Variants in PDE4D observed in about 807,000 individuals in gnomAD.
PDE4D encodes 3',5'-cyclic-AMP phosphodiesterase 4D.
Under a neutral mutation model 87.4 loss-of-function variants are expected in PDE4D, and 24 were observed. The ratio of observed to expected loss-of-function variants is 0.27; its 90% CI spans 0.20 to 0.39. The LOEUF (loss-of-function observed/expected upper bound fraction) is 0.39, where lower values mean the gene tolerates loss of function less well. Ranked by LOEUF, PDE4D falls within the 10% of genes least tolerant of loss-of-function variation. The pLI, the probability that PDE4D is intolerant of heterozygous loss-of-function variation, is 1.00. For synonymous variants in PDE4D, 384 were observed against 383.2 expected, an observed-to-expected ratio of 1.00 and a Z score of -0.02; for missense variants, 714 against 1,041.0, an observed-to-expected ratio of 0.69 and a Z score of 4.32.
At chr5:60,447,247 T>C (rs1745717397) in intron 1 of PDE4D, among the ~76,000 whole-genome samples, 1 of 152,188 alleles carries the variant, frequency 6.6e-6, no homozygotes, top group African/African-American at 2.4e-5. Flanking sequence ...ACTATCATCA[T>C]ATGGATAAAT....
At chr5:59,060,104 TA>T (rs1762914924) in intron 5 of PDE4D, among the ~76,000 whole-genome samples, 6 of 152,312 alleles carry the variant, frequency 3.9e-5, no homozygotes, top group Admixed American at 3.9e-4. Context: ...TCTATCTTTT[TA>T]TCTGCCTGTA....
chr5:60,122,002 T>C (rs1396492585), intron 2 of PDE4D, among the ~76,000 whole-genome samples: 1 of 152,072 alleles, frequency 6.6e-6, no homozygotes, highest in Non-Finnish European at 1.5e-5. Context: ...CCATGCAAGC[T>C]CAAAATCCAG....
chr5:60,465,521 C>G (rs1029417447), intron 1 of PDE4D, among the ~76,000 whole-genome samples: 1 of 152,132 alleles, frequency 6.6e-6, no homozygotes, highest in African/African-American at 2.4e-5. Flanking sequence ...TTACTTACCT[C>G]TTTTCTACTA....
intron 1 of PDE4D, among the ~76,000 whole-genome samples, chr5:59,396,567 G>C (rs1582373438): frequency 1.3e-5 from 1 of 79,598 alleles, no homozygotes; most frequent in Non-Finnish European, 2.4e-5. Context: ...TGCCCTAAAA[G>C]AGCTCCTGAA....
chr5:59,980,740 G>A (rs992133721), intron 3 of PDE4D, among the ~76,000 whole-genome samples: 2 of 152,172 alleles, frequency 1.3e-5, no homozygotes, highest in African/African-American at 4.8e-5. Flanking sequence ...AGACACTGGA[G>A]TTTAATCATG....
rs562584706 is a variant in PDE4D, at chr5:60,291,090, A to G, written c.-89-105403T>C. Among the ~76,000 whole-genome samples, 20 of 152,328 alleles carry G rather than the reference A, an allele frequency of 1.3e-4. No homozygotes were observed. In the East Asian group the frequency reaches 1.4e-3, roughly 10 times the overall value. On this transcript the variant is annotated intron_variant, in intron 1 of 16. Coordinates refer to the PDE4D transcript ENST00000502484. ...TGGGTTTCCTGTTTATCCAAAGAGC[A>G]ACATCTTTAATGAGCAATGACCTGG...
At chr5:60,114,004 A>G (rs1178043003) in intron 2 of PDE4D, among the ~76,000 whole-genome samples, 4 of 152,256 alleles carry the variant, frequency 2.6e-5, no homozygotes, top group African/African-American at 9.6e-5. Context: ...GAGTGGCAGT[A>G]CCTAATAACA....
chr5:60,245,266 C>T (rs1464514955), intron 1 of PDE4D, among the ~76,000 whole-genome samples: 1 of 151,730 alleles, frequency 6.6e-6, no homozygotes, highest in Non-Finnish European at 1.5e-5. Flanking sequence ...GGCTTTTATC[C>T]AAAAGACAGG....
intron 1 of PDE4D, among the ~76,000 whole-genome samples, chr5:59,873,623 GA>G (rs1447436777): frequency 2.0e-5 from 3 of 152,206 alleles, no homozygotes; most frequent in Admixed American, 2.0e-4. Context: ...CAGAAATGAA[GA>G]GGGAGAATGT....
At chr5:59,003,311 T>C (rs1181636736) in intron 6 of PDE4D, among the ~76,000 whole-genome samples, 3 of 152,302 alleles carry the variant, frequency 2.0e-5, no homozygotes, top group African/African-American at 7.2e-5. Flanking sequence ...AGCTGCTCTA[T>C]TACATTTGCT....
At chr5:59,640,845 C>G (rs1398363710) in intron 1 of PDE4D, among the ~76,000 whole-genome samples, 1 of 152,208 alleles carries the variant, frequency 6.6e-6, no homozygotes, top group Non-Finnish European at 1.5e-5. Context: ...GCCTGTTTAT[C>G]AAGAGTGTTC....
chr5:60,013,622 T>A (rs1765229774), intron 2 of PDE4D, among the ~76,000 whole-genome samples: 2 of 152,112 alleles, frequency 1.3e-5, no homozygotes, highest in African/African-American at 2.4e-5. Flanking sequence ...AGTTGACAAA[T>A]TTATTTCTGT....
chr5:59,168,708 G>GA (rs923689788), intron 5 of PDE4D, among the ~76,000 whole-genome samples: 15 of 151,936 alleles, frequency 9.9e-5, no homozygotes, highest in South Asian at 4.2e-4. Context: ...GAAGGAGAGA[G>GA]AAAAAAAAGA....
chr5:59,248,724 G>C (rs1759358294), intron 1 of PDE4D, among the ~76,000 whole-genome samples: 1 of 151,748 alleles, frequency 6.6e-6, no homozygotes, highest in South Asian at 2.1e-4. Flanking sequence ...TTATATCTGA[G>C]GTGTCTACAC....
chr5:59,437,740 A>G lies in PDE4D; in HGVS notation c.456-221772T>C, dbSNP rs73758694. 7.1e-3 allele frequency among the ~76,000 whole-genome samples: 1,079 copies of G among 152,296 alleles called. 15 individuals carry two copies. Among genetic ancestry groups the G allele is most frequent in the African/African-American group, 0.024 (993 of 41,558 alleles). Reference sequence around the variant, plus strand: ...AAGCATACAATTCATTTGATGTGCAATTCATGCATCAAGACAGGACTGATT... The same window carrying G: ...AAGCATACAATTCATTTGATGTGCAGTTCATGCATCAAGACAGGACTGATT... On this transcript the variant is annotated intron_variant, in intron 1 of 14. Coordinates refer to ENST00000340635, the MANE Select transcript of PDE4D (RefSeq NM_001104631.2).
At chr5:60,517,016 A>AC (rs751334810) in intron 1 of PDE4D, among the ~76,000 whole-genome samples, 1 of 151,446 alleles carries the variant, frequency 6.6e-6, no homozygotes, top group East Asian at 1.9e-4. Context: ...AGCCCAGGAA[A>AC]CCCCCCTACC....
At chr5:59,723,829 A>C (rs1181761890) in intron 1 of PDE4D, among the ~76,000 whole-genome samples, 1 of 152,218 alleles carries the variant, frequency 6.6e-6, no homozygotes, top group Non-Finnish European at 1.5e-5. Context: ...GCAAAAGCAG[A>C]AGCCACTGGT....
At chr5:59,917,772 T>C (rs1206398190) in intron 3 of PDE4D, among the ~76,000 whole-genome samples, 1 of 152,162 alleles carries the variant, frequency 6.6e-6, no homozygotes, top group African/African-American at 2.4e-5. Flanking sequence ...ATTATTTCAA[T>C]GCAACTTATT....
intron 2 of PDE4D, among the ~76,000 whole-genome samples, chr5:59,214,214 C>T (rs558056173): frequency 4.6e-5 from 7 of 152,132 alleles, no homozygotes; most frequent in Admixed American, 1.3e-4. Flanking sequence ...GTAGTGACTT[C>T]GCTATGCAAT....
Sources: allele counts gnomAD v4.1 joint callset (sites outside exome capture counted in the v4.1 genomes callset), GRCh38; gene constraint gnomAD v4.1.1; transcripts MANE v1.5; gene names NCBI Gene and HGNC (gene_info 2026-07-23, HGNC 2026-07-21).